The following NREP variants were observed in gnomAD, a reference collection of about 807,000 sequenced individuals.
NREP encodes neuronal regeneration-related protein.
NREP carries 5 observed loss-of-function variants against 8.6 expected under a neutral mutation model. The ratio of observed to expected loss-of-function variants is 0.58; its 90% confidence interval spans 0.30 to 1.22. NREP has a LOEUF of 1.22. NREP is among the 50% of genes most tolerant of loss of function. The pLI is 0.07. For synonymous variants in NREP, 27 were observed against 28.0 expected (o/e 0.96, Z 0.11); for missense variants, 86 against 82.5 (o/e 1.04, Z -0.17).
intron 2 of NREP, among the ~76,000 whole-genome samples, chr5:111,922,731 C>A (rs1375455568): frequency 3.9e-5 from 6 of 152,190 alleles, no homozygotes; most frequent in African/African-American, 1.4e-4. Flanking sequence ...AAGGACCTTA[C>A]ACTGGTTGGA....
chr5:111,971,066 G>A (rs529368701), intron 2 of NREP, among the ~76,000 whole-genome samples: 12 of 152,072 alleles, frequency 7.9e-5, no homozygotes, highest in Non-Finnish European at 1.3e-4. Flanking sequence ...CCCCTAGTCC[G>A]GGTATATATT....
chr5:111,879,220 G>A (rs1219267060), intron 2 of NREP, among the ~76,000 whole-genome samples: 1 of 152,112 alleles, frequency 6.6e-6, no homozygotes. Context: ...GCTTGCTGGG[G>A]CCTCACCAGA....
chr5:111,731,080 A>G (rs1430026891), intron 3 of NREP, 34 bp from the exon 4 acceptor site: 1 of 1,605,072 alleles, frequency 6.2e-7, no homozygotes, highest in Non-Finnish European at 8.5e-7. Context: ...ACAGACAGAC[A>G]CACATAAAAG....
intron 2 of NREP, among the ~76,000 whole-genome samples, chr5:111,814,386 A>G (rs943800724): frequency 6.6e-6 from 1 of 152,176 alleles, no homozygotes; most frequent in African/African-American, 2.4e-5. Flanking sequence ...TGTGGGCCAA[A>G]ATAAAGTGAA....
At chr5:111,732,382 T>G (rs1748672106) in intron 3 of NREP, 1 of 152,106 alleles carries the variant, frequency 6.6e-6, no homozygotes, top group Non-Finnish European at 1.5e-5. Flanking sequence ...CTCAATTTTT[T>G]ACTTAAAAGT....
At chr5:111,935,154 A>G (rs919817493) in intron 2 of NREP, among the ~76,000 whole-genome samples, 1 of 152,130 alleles carries the variant, frequency 6.6e-6, no homozygotes, top group Non-Finnish European at 1.5e-5. Flanking sequence ...CTCCTTTGAT[A>G]CATTGCACTC....
At chr5:111,929,154 C>A (rs1051869179) in intron 2 of NREP, among the ~76,000 whole-genome samples, 1 of 152,196 alleles carries the variant, frequency 6.6e-6, no homozygotes, top group South Asian at 2.1e-4. Context: ...ACATTGAATT[C>A]TACTGTCTTT....
chr5:111,831,371 A>G (rs551648712), intron 2 of NREP, among the ~76,000 whole-genome samples: 17 of 152,256 alleles, frequency 1.1e-4, no homozygotes, highest in Non-Finnish European at 2.9e-5. Context: ...CCATTGGGCC[A>G]TTGAAACTAG....
At chr5:111,804,581 G>C (rs1474583536) in intron 2 of NREP, among the ~76,000 whole-genome samples, 1 of 152,064 alleles carries the variant, frequency 6.6e-6, no homozygotes, top group Admixed American at 6.6e-5. Context: ...AAAATAATTT[G>C]TCCAAAAATC....
At chr5:111,857,430 CTT>C (rs1429811604) in intron 2 of NREP, among the ~76,000 whole-genome samples, 3 of 152,170 alleles carry the variant, frequency 2.0e-5, no homozygotes, top group African/African-American at 7.2e-5. Context: ...CTTAAAATAA[CTT>C]AAGTGTCACA....
intron 2 of NREP, among the ~76,000 whole-genome samples, chr5:111,796,187 C>T (rs1014089496): frequency 6.6e-6 from 1 of 152,148 alleles, no homozygotes; most frequent in African/African-American, 2.4e-5. Context: ...CCGAGCAGTA[C>T]AGTAGCTTCA....
intron 2 of NREP, among the ~76,000 whole-genome samples, chr5:111,950,825 C>T (rs1227943021): frequency 6.6e-6 from 1 of 151,908 alleles, no homozygotes; most frequent in Non-Finnish European, 1.5e-5. Flanking sequence ...ACCCTAGGGA[C>T]TTTTAAATCA....
intron 2 of NREP, among the ~76,000 whole-genome samples, chr5:111,824,862 A>G (rs1354013729): frequency 1.3e-5 from 2 of 152,224 alleles, no homozygotes; most frequent in Non-Finnish European, 2.9e-5. Context: ...ATTGGTTACA[A>G]TAAATAAATT....
At chr5:111,850,785 A>C (rs980710566) in intron 2 of NREP, among the ~76,000 whole-genome samples, 2 of 152,100 alleles carry the variant, frequency 1.3e-5, no homozygotes, top group African/African-American at 4.8e-5. Context: ...TTTTCCCTTC[A>C]AGAACTGATG....
intron 2 of NREP, among the ~76,000 whole-genome samples, chr5:111,764,802 T>C (rs956207480): frequency 3.3e-5 from 5 of 152,164 alleles, no homozygotes; most frequent in Admixed American, 2.6e-4. Context: ...CTTCAGACAT[T>C]AGATGGTATG....
At chr5:111,762,649 G>A (rs946687035), upstream of NREP, among the ~76,000 whole-genome samples, 6 of 152,140 alleles carry the variant, frequency 3.9e-5, no homozygotes, top group Non-Finnish European at 5.9e-5. Flanking sequence ...AAGACCACAC[G>A]AAGATGTGGG....
chr5:111,850,864 T>C (rs1184598106), intron 2 of NREP, among the ~76,000 whole-genome samples: 3 of 152,186 alleles, frequency 2.0e-5, no homozygotes. Context: ...GAATGAAGGT[T>C]TTAAAGTTTG....
intron 2 of NREP, among the ~76,000 whole-genome samples, chr5:111,789,781 T>C (rs1263679201): frequency 6.6e-6 from 1 of 152,164 alleles, no homozygotes; most frequent in Non-Finnish European, 1.5e-5. Context: ...AGAAATAGTC[T>C]TGAGCCAAAC....
intron 2 of NREP, among the ~76,000 whole-genome samples, chr5:111,739,887 A>G (rs1228977534): frequency 6.6e-6 from 1 of 152,156 alleles, no homozygotes; most frequent in Non-Finnish European, 1.5e-5. Flanking sequence ...CCATGTATAC[A>G]ATAAACAATT....
Sources: allele counts gnomAD v4.1 joint callset (sites outside exome capture counted in the v4.1 genomes callset), GRCh38; gene constraint gnomAD v4.1.1; transcripts MANE v1.5; gene names NCBI Gene and HGNC (gene_info 2026-07-23, HGNC 2026-07-21).